SLX4IP: variants seen among roughly 807,000 people sequenced by gnomAD.
The protein encoded by SLX4IP is SLX4 interacting protein.
SLX4IP carries 34 observed loss-of-function variants against 32.9 expected under a neutral mutation model. The ratio of observed to expected loss-of-function variants is 1.03; its 90% CI spans 0.79 to 1.38. The LOEUF (loss-of-function observed/expected upper bound fraction) is 1.38. Among genes scored for constraint, SLX4IP ranks in the 40% most tolerant of loss-of-function variants. The pLI is 0.00. For synonymous variants in SLX4IP, 172 were observed against 171.7 expected (o/e 1.00, Z -0.01); for missense variants, 444 against 479.0 (o/e 0.93, Z 0.68).
chr20:10,448,183 C>T (rs2065216289), intron 1 of SLX4IP, among the ~76,000 whole-genome samples: 1 of 152,128 alleles, frequency 6.6e-6, no homozygotes, highest in South Asian at 2.1e-4. Context: ...CATTCTTTTA[C>T]TGCCTTTGTC....
chr20:10,527,091 T>C (rs183504778), intron 2 of SLX4IP, among the ~76,000 whole-genome samples: 183 of 152,308 alleles, frequency 1.2e-3, no homozygotes, highest in African/African-American at 4.3e-3. Flanking sequence ...GCTGTAATGA[T>C]CACATACCAT....
rs548405792 is a variant in SLX4IP at position 10,556,567 on chromosome 20, T to G, written c.117+247T>G. Among the ~76,000 whole-genome samples, 3 of 152,268 alleles carry G rather than the reference T, an allele frequency of 2.0e-5. No individual in the cohort carries two copies. In the South Asian group the frequency reaches 6.2e-4, roughly 32 times the overall value. On this transcript the variant is annotated intron_variant, in intron 3 of 7. Transcript: ENST00000334534. ...CCAGACATTTTATACCTCTTTGTTT[T>G]GGGGGAAGGATTTCTATATATTCAA...
chr20:10,556,791 G>A (rs2066271463), intron 3 of SLX4IP, among the ~76,000 whole-genome samples: 2 of 152,176 alleles, frequency 1.3e-5, no homozygotes, highest in Non-Finnish European at 2.9e-5. Context: ...GACAAGTCAG[G>A]AAATACTTGA....
rs549525000 is a variant in SLX4IP, at chr20:10,617,652, C to CTTTTTTTTTTTTTTTTTTT, written c.406-3644_406-3643insTTTTTTTTTTTTTTTTTTT. 1.3e-4 allele frequency among the ~76,000 whole-genome samples: 15 copies of CTTTTTTTTTTTTTTTTTTT among 112,746 alleles called. 1 individual carries two copies. The highest frequency in any genetic ancestry group is 1.6e-4 in the Non-Finnish European group (9 of 56,538). The allele number at this position is 112,746 out of a possible 152,430, so 74.0% of individuals were successfully genotyped here. A position where few individuals can be genotyped will look rare whatever the true frequency, so the allele number is the denominator to read the frequency against. On this transcript the variant is annotated intron_variant, in intron 6 of 7. Transcript: ENST00000334534. ...TTCTTTCCTTCTTTTTTCTTTCTTT[C>CTTTTTTTTTTTTTTTTTTT]TTTTTTTTTTTTTTTTTTCAAAGCA... is the stretch of plus-strand genomic sequence containing the variant.
At chr20:10,487,135 T>TA (rs2065581389) in intron 2 of SLX4IP, among the ~76,000 whole-genome samples, 2 of 152,280 alleles carry the variant, frequency 1.3e-5, no homozygotes, top group East Asian at 3.9e-4. Flanking sequence ...CTTTAAGAGT[T>TA]AAAAACAAAA....
chr20:10,515,569 C>T (rs1379282401), intron 2 of SLX4IP, among the ~76,000 whole-genome samples: 1 of 152,106 alleles, frequency 6.6e-6, no homozygotes, highest in Non-Finnish European at 1.5e-5. Context: ...CAAATGAGAT[C>T]CAGTCAAAAC....
intron 4 of SLX4IP, among the ~76,000 whole-genome samples, chr20:10,597,811 A>C (rs1466157535): frequency 6.6e-6 from 1 of 152,216 alleles, no homozygotes; most frequent in Non-Finnish European, 1.5e-5. Context: ...TCCTGCCAGC[A>C]GCGTATGAGA....
chr20:10,621,242 CAG>C lies in SLX4IP; in HGVS notation c.406-69_406-68del. The stretch of plus-strand genomic sequence containing the variant: ...AAATAAATGTGTTCATTGGGGCATT[CAG>C]AGTGTAACTGTTTTCTCTCATGTTC... On this transcript the variant is annotated intron_variant, in intron 6 of 7. Transcript: ENST00000334534. 2.3e-6 allele frequency: 3 copies of C among 1,320,022 alleles called. No individual in the cohort carries two copies. The South Asian group carries it at 3.6e-5, about 16-fold the overall frequency. 81.8% of individuals were successfully genotyped at this position (1,320,022 alleles called of 1,614,324 possible).
chr20:10,583,938 G>A (rs941458613), intron 4 of SLX4IP, among the ~76,000 whole-genome samples: 1 of 152,138 alleles, frequency 6.6e-6, no homozygotes, highest in Non-Finnish European at 1.5e-5. Flanking sequence ...TAAAACCTGG[G>A]TGTTAGCATA....
chr20:10,626,988 T>C lies in SLX4IP; in HGVS notation c.*3609T>C, dbSNP rs1299493533. On this transcript the variant is annotated 3_prime_UTR_variant, in exon 8 of 8. Transcript: ENST00000334534. Reference sequence around the variant, plus strand: ...TGTTATGCATGTCAGTGGCCTCTGATTTCAGAAAGAGCTTGGCGAGGGCAG... The same window carrying C: ...TGTTATGCATGTCAGTGGCCTCTGACTTCAGAAAGAGCTTGGCGAGGGCAG... The C allele has an allele frequency of 2.0e-5, 3 of 152,214 alleles. No individual in the cohort carries two copies. Among genetic ancestry groups the C allele is most frequent in the East Asian group, 3.8e-4 (2 of 5,202 alleles). 9.4% of individuals were successfully genotyped at this position (152,214 alleles called of 1,614,324 possible).
intron 4 of SLX4IP, among the ~76,000 whole-genome samples, chr20:10,586,029 A>G (rs553024712): frequency 2.0e-5 from 3 of 152,316 alleles, no homozygotes; most frequent in South Asian, 4.1e-4. Context: ...CATGTAGTCA[A>G]CAAAGTTAAA....
At chr20:10,613,948 G>T in intron 6 of SLX4IP, 1 of 1,181,196 alleles carries the variant, frequency 8.5e-7, no homozygotes, top group Non-Finnish European at 1.3e-6. Flanking sequence ...TCTTGGATGA[G>T]CACAGGAGAG....
At chr20:10,546,316 A>G (rs202153650) in intron 2 of SLX4IP, among the ~76,000 whole-genome samples, 2 of 152,216 alleles carry the variant, frequency 1.3e-5, no homozygotes, top group Admixed American at 1.3e-4. Flanking sequence ...AGGAGAGTTC[A>G]TAGTTTTACT....
intron 2 of SLX4IP, among the ~76,000 whole-genome samples, chr20:10,490,899 A>C (rs622188): frequency 0.26 from 39,821 of 152,050 alleles, 5,238 homozygotes; most frequent in Admixed American, 0.29. Context: ...GTTTTCTGCT[A>C]CAACACAGAT....
intron 2 of SLX4IP, among the ~76,000 whole-genome samples, chr20:10,487,179 C>T (rs898190090): frequency 3.3e-5 from 5 of 152,126 alleles, no homozygotes; most frequent in African/African-American, 1.2e-4. Context: ...CAGTCTAGTC[C>T]TGCTCAGCTC....
At chr20:10,529,834 G>A (rs1017688889) in intron 2 of SLX4IP, among the ~76,000 whole-genome samples, 43 of 152,080 alleles carry the variant, frequency 2.8e-4, no homozygotes, top group African/African-American at 9.9e-4. Flanking sequence ...AATTTCATGA[G>A]TTTGGGAAGC....
At chr20:10,501,835 TA>T (rs1310083324) in intron 2 of SLX4IP, among the ~76,000 whole-genome samples, 2 of 152,210 alleles carry the variant, frequency 1.3e-5, no homozygotes, top group South Asian at 2.1e-4. Flanking sequence ...GACAACTTTT[TA>T]AAAAAAATCT....
chr20:10,526,348 T>C (rs1306635013), intron 2 of SLX4IP, among the ~76,000 whole-genome samples: 1 of 152,190 alleles, frequency 6.6e-6, no homozygotes, highest in African/African-American at 2.4e-5. Context: ...AAAAGTCAGT[T>C]TTTAGGCAGG....
At chr20:10,597,729 CTG>C (rs1348810601) in intron 4 of SLX4IP, among the ~76,000 whole-genome samples, 2 of 152,174 alleles carry the variant, frequency 1.3e-5, no homozygotes, top group African/African-American at 4.8e-5. Flanking sequence ...ATTGTGAACA[CTG>C]TATGTTCATG....
Sources: gnomAD v4.1 joint callset for allele counts (sites outside exome capture counted in the v4.1 genomes callset) on GRCh38, gnomAD v4.1.1 for gene constraint, MANE v1.5 for transcripts, NCBI Gene and HGNC (gene_info 2026-07-23, HGNC 2026-07-21) for gene names.